TOR3A: variants seen among roughly 807,000 people sequenced by gnomAD.
TOR3A encodes torsin-3A.
TOR3A carries 44 observed loss-of-function variants against 42.1 expected under a neutral mutation model. The observed-to-expected ratio is 1.04, with a 90% CI of 0.82 to 1.34. The LOEUF (loss-of-function observed/expected upper bound fraction) is 1.34. Among genes scored for constraint, TOR3A ranks in the 40% most tolerant of loss-of-function variants. The pLI, the probability that TOR3A is intolerant of heterozygous loss-of-function variation, is 0.00. For synonymous variants in TOR3A, 227 were observed against 213.2 expected, an observed-to-expected ratio of 1.06 and a Z score of -0.57; for missense variants, 521 against 507.6, an observed-to-expected ratio of 1.03 and a Z score of -0.25.
intron 3 of TOR3A, among the ~76,000 whole-genome samples, chr1:179,086,665 C>CA (rs149541470): frequency 0.011 from 1,308 of 123,682 alleles, 17 homozygotes; most frequent in African/African-American, 0.03. Context: ...GACTCCATCT[C>CA]AAAAAAAAAA....
In TOR3A at chr1:179,087,909, A is replaced by G; in HGVS notation, c.640-2A>G. 6.3e-7 allele frequency: 1 copy of G among 1,578,748 alleles called. No homozygotes were observed. On this transcript the variant is annotated splice_acceptor_variant, in intron 3 of 5. Transcript: ENST00000367627. LOFTEE classifies it high-confidence loss of function. Reference sequence around the variant, plus strand: ...CCCAGCTGCTCCCTATATCCCGTGCAGGAGCAGCTGATGAGCCAGATCCGG... The same window carrying G: ...CCCAGCTGCTCCCTATATCCCGTGCGGGAGCAGCTGATGAGCCAGATCCGG...
Position 179,082,231 on chromosome 1 carries a change from G to A in TOR3A, c.103G>A (p.Glu35Lys), listed in dbSNP as rs1210074168. The A allele has an allele frequency of 6.6e-7, 1 of 1,519,436 alleles. No individual in the cohort carries two copies. Among genetic ancestry groups the A allele is most frequent in the Non-Finnish European group, 8.8e-7 (1 of 1,141,722 alleles). The allele number at this position is 1,519,436 out of a possible 1,614,324, so 94.1% of individuals were successfully genotyped here. The change falls in exon 1 of 6, where the codon GAG becomes AAG. Residue 35 changes from glutamate (E) to lysine (K), a missense_variant. Transcript: ENST00000367627. ...GASRPWEGTD[E>K]PGSAWAWPGF... ...CTCCAGGCCGTGGGAGGGAACCGAC[G>A]AGCCGGGCTCGGCCTGGGCCTGGCC... is the stretch of plus-strand genomic sequence containing the variant.
intron 3 of TOR3A, 130 bp from the exon 4 acceptor site, chr1:179,087,781 T>C: frequency 1.3e-6 from 1 of 757,782 alleles, no homozygotes; most frequent in Non-Finnish European, 2.0e-6. Context: ...TGATAGGTTC[T>C]GGCGGGGGGC....
chr1:179,095,457 A>AAAAC lies in TOR3A; in HGVS notation c.*241_*244dup. 5.8e-6 allele frequency: 8 copies of AAAAC among 1,378,432 alleles called. No individual in the cohort carries two copies. The highest frequency in any genetic ancestry group is 7.5e-6 in the Non-Finnish European group (8 of 1,068,842). 85.4% of individuals were successfully genotyped at this position (1,378,432 alleles called of 1,614,324 possible). ...ATAGGAACTTGGATTGCTGAATTCA[A>AAAAC]AAACAGAGCCCATTCTTAAGATCAC... On this transcript the variant is annotated 3_prime_UTR_variant, in exon 6 of 6. Coordinates refer to ENST00000367627, the MANE Select transcript of TOR3A (RefSeq NM_022371.4).
At chr1:179,089,937 C>A (rs934436016) in intron 4 of TOR3A, among the ~76,000 whole-genome samples, 1 of 152,204 alleles carries the variant, frequency 6.6e-6, no homozygotes, top group African/African-American at 2.4e-5. Context: ...GAAAACCTCA[C>A]CTGGGCCGTG....
Position 179,095,932 on chromosome 1 carries a change from A to G in TOR3A, c.*714A>G. 1.0e-6 allele frequency: 1 copy of G among 984,022 alleles called. No individual in the cohort carries two copies. 61.0% of individuals were successfully genotyped at this position (984,022 alleles called of 1,614,324 possible). A position where few individuals can be genotyped will look rare whatever the true frequency, so the allele number is the denominator to read the frequency against. ...GAGGGGGGACCTTTTCAAAGACAAT[A>G]GGGGGTCTTGACATGTTTGTTGTAT... On this transcript the variant is annotated 3_prime_UTR_variant, in exon 6 of 6. Transcript: ENST00000367627.
chr1:179,083,054 G>A lies in TOR3A; in HGVS notation c.373+1G>A, dbSNP rs771712327. 1 of 1,514,688 alleles carries A rather than the reference G, an allele frequency of 6.6e-7. No individual in the cohort carries two copies. The highest frequency in any genetic ancestry group is 2.2e-5 in the Admixed American group (1 of 44,986). 93.8% of individuals were successfully genotyped at this position (1,514,688 alleles called of 1,614,324 possible). ...TGCAGAATCTCCAACAACTTTACAGGTTGGACCCCGCATGGCTTCAAGGGG... is the reference window on the plus strand; with the variant it reads ...TGCAGAATCTCCAACAACTTTACAGATTGGACCCCGCATGGCTTCAAGGGG... On this transcript the variant is annotated splice_donor_variant, in intron 2 of 5. Transcript: ENST00000367627. LOFTEE classifies it high-confidence loss of function.
At position 179,095,504 on chromosome 1, in the gene TOR3A, T is replaced by C. The variant is rs1265228354; in HGVS notation, c.*286T>C. 1.6e-6 allele frequency: 2 copies of C among 1,265,204 alleles called. No individual in the cohort carries two copies. Among genetic ancestry groups the C allele is most frequent in the Non-Finnish European group, 2.0e-6 (2 of 1,002,304 alleles). 78.4% of individuals were successfully genotyped at this position (1,265,204 alleles called of 1,614,324 possible). On this transcript the variant is annotated 3_prime_UTR_variant, in exon 6 of 6. Coordinates refer to ENST00000367627, the MANE Select transcript of TOR3A (RefSeq NM_022371.4). ...TCACTTGGTGCCTTAAAGACACGCA[T>C]TCCAAAGTGGAATGTGGTTGAAGAA... is the stretch of plus-strand genomic sequence containing the variant.
intron 4 of TOR3A, among the ~76,000 whole-genome samples, chr1:179,090,086 C>T (rs942183212): frequency 5.6e-5 from 5 of 88,684 alleles, no homozygotes; most frequent in Admixed American, 3.4e-4. Context: ...GTGGACTGTC[C>T]GAGGCCATGT....
intron 3 of TOR3A, among the ~76,000 whole-genome samples, chr1:179,086,570 GC>G (rs1161348762): frequency 1.3e-5 from 2 of 151,764 alleles, no homozygotes; most frequent in African/African-American, 2.4e-5. Context: ...GGAGGCTGAG[GC>G]CGGAGAATGG....
chr1:179,095,969 A>T lies in TOR3A; in HGVS notation c.*751A>T. 2 of 985,330 alleles carry T rather than the reference A, an allele frequency of 2.0e-6. No individual in the cohort carries two copies. The highest frequency in any genetic ancestry group is 2.4e-6 in the Non-Finnish European group (2 of 829,894). 61.0% of individuals were successfully genotyped at this position (985,330 alleles called of 1,614,324 possible). A position where few individuals can be genotyped will look rare whatever the true frequency, so the allele number is the denominator to read the frequency against. The stretch of plus-strand genomic sequence containing the variant: ...CATGTTTGTTGTATGTAAAGATGAT[A>T]AGATTAAAATTTTTGATTTTCCTAA... On this transcript the variant is annotated 3_prime_UTR_variant, in exon 6 of 6. Transcript: ENST00000367627.
rs1429552451 is a variant in TOR3A, at chr1:179,082,979, T to C, written c.299T>C (p.Leu100Pro). The C allele has an allele frequency of 6.9e-6, 11 of 1,590,354 alleles. No individual in the cohort carries two copies. Among genetic ancestry groups the C allele is most frequent in the Non-Finnish European group, 7.7e-6 (9 of 1,168,950 alleles). ...CTGTTGGGCCAGCGGTACCTGGACC[T>C]CCTGACCACGTGGTACTGCAGCTTC... ...LPLLGQRYLD[L>P]LTTWYCSFKD... The change falls in exon 2 of 6, where the codon CTC (leucine) becomes CCC (proline). Residue 100 changes from leucine to proline, a missense_variant. By Grantham distance (98) the Leu-to-Pro change is moderately conservative. Transcript: ENST00000367627.
Position 179,085,671 on chromosome 1 carries a change from G to A in TOR3A, c.417G>A (p.Leu139=). ...DLNVRLHGQH[L]VQQLVLRTVR... Reference sequence around the variant, plus strand: ...ATGTGCGGCTGCATGGCCAGCATTTGGTCCAGCAGCTGGTCCTAAGAACAG... The same window carrying A: ...ATGTGCGGCTGCATGGCCAGCATTTAGTCCAGCAGCTGGTCCTAAGAACAG... The change falls in exon 3 of 6, where the codon TTG becomes TTA. Residue 139 remains leucine, a synonymous_variant. Transcript: ENST00000367627. 1 of 1,614,174 alleles carries A rather than the reference G, an allele frequency of 6.2e-7. No individual in the cohort carries two copies. Among genetic ancestry groups the A allele is most frequent in the Non-Finnish European group, 8.5e-7 (1 of 1,180,046 alleles).
At chr1:179,085,948 G>T in intron 3 of TOR3A, 55 bp downstream of exon 3, 1 of 1,577,550 alleles carries the variant, frequency 6.3e-7, no homozygotes, top group East Asian at 2.2e-5. Flanking sequence ...AGACCCTTCT[G>T]CCAGCCCTTC....
intron 4 of TOR3A, among the ~76,000 whole-genome samples, chr1:179,089,882 A>G (rs1652530341): frequency 1.3e-5 from 2 of 151,932 alleles, no homozygotes; most frequent in Non-Finnish European, 2.9e-5. Context: ...TCCCGGCTTC[A>G]GGTGGTGCCG....
intron 4 of TOR3A, among the ~76,000 whole-genome samples, chr1:179,088,797 T>G (rs1652501255): frequency 1.3e-5 from 2 of 152,212 alleles, no homozygotes; most frequent in Non-Finnish European, 1.5e-5. Flanking sequence ...CAACCTCATC[T>G]TTTTGCGGAG....
chr1:179,093,773 G>A (rs1335651937), intron 4 of TOR3A, among the ~76,000 whole-genome samples: 1 of 152,146 alleles, frequency 6.6e-6, no homozygotes, highest in Non-Finnish European at 1.5e-5. Context: ...CACTGTCCTG[G>A]AACCGAATAC....
rs769315447 is a variant in TOR3A at position 179,094,140 on chromosome 1, A to C, written c.866A>C (p.Lys289Thr). The change falls in exon 5 of 6, where the codon AAG becomes ACG. Residue 289 changes from lysine (K) to threonine (T), a missense_variant. Coordinates refer to ENST00000367627, the MANE Select transcript of TOR3A (RefSeq NM_022371.4). ...AATGAGGTGGTCCTAAAGTTGCTCA[A>C]GGCTGGATGGTCCCGGGAAGAAATT... ...IINEVVLKLLKAGWSREEITM... is the reference protein window; with the variant it reads ...IINEVVLKLLTAGWSREEITM... 1.2e-6 allele frequency: 2 copies of C among 1,614,166 alleles called. No homozygotes were observed. The highest frequency in any genetic ancestry group is 3.3e-5 in the Admixed American group (2 of 60,022).
chr1:179,082,571 GC>G, intron 1 of TOR3A, 184 bp downstream of exon 1: 1 of 894,136 alleles, frequency 1.1e-6, no homozygotes, highest in Non-Finnish European at 1.7e-6. Flanking sequence ...CACCGCCCTT[GC>G]CCCACCCGCG....
Sources: allele counts gnomAD v4.1 joint callset (sites outside exome capture counted in the v4.1 genomes callset), GRCh38; gene constraint gnomAD v4.1.1; transcripts MANE v1.5; gene names NCBI Gene and HGNC (gene_info 2026-07-23, HGNC 2026-07-21).